Variants in CTNNA3 observed in about 807,000 individuals in gnomAD.
CTNNA3 encodes the protein catenin alpha-3.
CTNNA3 carries 76 observed loss-of-function variants against 95.7 expected under a neutral mutation model. The ratio of observed to expected loss-of-function variants is 0.79; its 90% confidence interval spans 0.66 to 0.96. The LOEUF (loss-of-function observed/expected upper bound fraction) is 0.96, where lower values mean the gene tolerates loss of function less well. Among genes scored for constraint, CTNNA3 ranks in the 40% least tolerant of loss-of-function variants. CTNNA3 has a pLI of 0.00. For missense variants in CTNNA3, 1,191 were observed against 1,089.8 expected (o/e 1.09, Z -1.31); for synonymous variants, 431 against 374.4 (o/e 1.15, Z -1.74).
intron 7 of CTNNA3, among the ~76,000 whole-genome samples, chr10:67,065,997 C>A (rs982435397): frequency 3.3e-5 from 5 of 151,698 alleles, no homozygotes; most frequent in African/African-American, 1.2e-4. Context: ...CATATTTTGA[C>A]AAAATATTAT....
At chr10:66,326,299 T>C (rs1760404401) in intron 12 of CTNNA3, among the ~76,000 whole-genome samples, 1 of 152,124 alleles carries the variant, frequency 6.6e-6, no homozygotes, top group Admixed American at 6.5e-5. Flanking sequence ...CATCACTCTT[T>C]ATGCACCTTC....
At chr10:67,596,848 C>T (rs961823928) in intron 3 of CTNNA3, among the ~76,000 whole-genome samples, 1 of 152,184 alleles carries the variant, frequency 6.6e-6, no homozygotes, top group African/African-American at 2.4e-5. Context: ...TGGACAATAT[C>T]CTCAAATATG....
intron 11 of CTNNA3, among the ~76,000 whole-genome samples, chr10:66,403,780 C>T (rs2093037372): frequency 2.0e-5 from 3 of 152,210 alleles, no homozygotes; most frequent in African/African-American, 7.2e-5. Flanking sequence ...AGAAATCTGA[C>T]ATACTTGACT....
At chr10:66,741,629 C>G (rs1429810477) in intron 9 of CTNNA3, among the ~76,000 whole-genome samples, 2 of 152,186 alleles carry the variant, frequency 1.3e-5, no homozygotes, top group Non-Finnish European at 2.9e-5. Context: ...CTGGGTTCTA[C>G]TGCACATTCA....
intron 10 of CTNNA3, among the ~76,000 whole-genome samples, chr10:66,596,861 A>G (rs1321622854): frequency 6.6e-6 from 1 of 152,180 alleles, no homozygotes; most frequent in African/African-American, 2.4e-5. Context: ...CAATTGTCTA[A>G]CAAAGAATTC....
chr10:65,957,708 A>T (rs1385790409), intron 17 of CTNNA3, among the ~76,000 whole-genome samples: 1 of 152,156 alleles, frequency 6.6e-6, no homozygotes. Flanking sequence ...AAGAATGTTG[A>T]ATATTGGCCC....
intron 7 of CTNNA3, among the ~76,000 whole-genome samples, chr10:67,003,049 A>G (rs1384386894): frequency 6.6e-6 from 1 of 152,140 alleles, no homozygotes; most frequent in Non-Finnish European, 1.5e-5. Flanking sequence ...GGTTATGTTC[A>G]TAGGCCACTA....
chr10:67,716,237 G>A (rs1394945808), intron 1 of CTNNA3, among the ~76,000 whole-genome samples: 5 of 152,028 alleles, frequency 3.3e-5, no homozygotes, highest in Non-Finnish European at 7.4e-5. Flanking sequence ...TCCCTAAAAA[G>A]GGCCTAATAC....
At chr10:66,974,844 A>G (rs1160116078) in intron 7 of CTNNA3, among the ~76,000 whole-genome samples, 7 of 149,648 alleles carry the variant, frequency 4.7e-5, no homozygotes, top group Non-Finnish European at 8.9e-5. Flanking sequence ...ACTTTCATCT[A>G]TATTTAGTTG....
chr10:67,751,004 A>G, intron 1 of CTNNA3: 1 of 1,571,444 alleles, frequency 6.4e-7, no homozygotes, highest in Non-Finnish European at 8.8e-7. Context: ...GCTGCAAGGC[A>G]CAAAAAACCA....
At chr10:67,343,990 G>T (rs1041386210) in intron 5 of CTNNA3, among the ~76,000 whole-genome samples, 1 of 149,284 alleles carries the variant, frequency 6.7e-6, no homozygotes, top group Non-Finnish European at 1.5e-5. Flanking sequence ...CTTTTATTAT[G>T]TTGAAGTATG....
At chr10:66,331,526 G>T (rs1296597483) in intron 12 of CTNNA3, among the ~76,000 whole-genome samples, 1 of 151,182 alleles carries the variant, frequency 6.6e-6, no homozygotes, top group Non-Finnish European at 1.5e-5. Context: ...GCTAATTTTT[G>T]TATTTTTAGT....
chr10:67,625,965 G>A (rs901785722), intron 2 of CTNNA3, among the ~76,000 whole-genome samples: 10 of 152,076 alleles, frequency 6.6e-5, no homozygotes, highest in African/African-American at 2.4e-4. Flanking sequence ...CAGGAGGATC[G>A]CTGGAGCCCA....
At chr10:67,419,424 G>T (rs1334140618) in intron 5 of CTNNA3, among the ~76,000 whole-genome samples, 1 of 151,452 alleles carries the variant, frequency 6.6e-6, no homozygotes, top group Non-Finnish European at 1.5e-5. Context: ...TGGGAATATT[G>T]CATGATGTTG....
intron 9 of CTNNA3, among the ~76,000 whole-genome samples, chr10:66,642,294 A>G (rs1000178942): frequency 7.2e-6 from 1 of 139,604 alleles, no homozygotes; most frequent in African/African-American, 2.5e-5. Context: ...ACACACACAC[A>G]CACACACACA....
intron 12 of CTNNA3, among the ~76,000 whole-genome samples, chr10:66,360,780 TCTTTCTTCCTTC>T (rs1205579632): frequency 8.8e-5 from 5 of 56,968 alleles, no homozygotes; most frequent in Non-Finnish European, 1.9e-4. Context: ...TTTCTTTCTT[TCTTTCTTCCTTC>T]CTTCCTTCCT....
intron 5 of CTNNA3, among the ~76,000 whole-genome samples, chr10:67,245,420 G>A (rs533824948): frequency 6.6e-5 from 10 of 152,182 alleles, no homozygotes; most frequent in Admixed American, 2.0e-4. Context: ...CCAGTGGAAC[G>A]TAAGCTCCAT....
intron 7 of CTNNA3, among the ~76,000 whole-genome samples, chr10:66,871,634 A>C (rs1210984494): frequency 6.6e-6 from 1 of 151,836 alleles, no homozygotes; most frequent in Non-Finnish European, 1.5e-5. Flanking sequence ...TGGACAAAGA[A>C]TTCCCATCAA....
rs1441724674 is a variant in CTNNA3 at position 67,317,166 on chromosome 10, GTTTTGTTTTTTTCT to G, written c.580-97310_580-97297del. 1.0e-4 allele frequency among the ~76,000 whole-genome samples: 7 copies of G among 67,878 alleles called. No individual in the cohort carries two copies. In the East Asian group the frequency reaches 1.4e-3, roughly 14 times the overall value. 44.5% of individuals were successfully genotyped at this position (67,878 alleles called of 152,430 possible). On this transcript the variant is annotated intron_variant, in intron 5 of 17. Coordinates refer to ENST00000433211, the MANE Select transcript of CTNNA3 (RefSeq NM_013266.4). ...AGCACATATCATCGGGTTTTGTTTT[GTTTTGTTTTTTTCT>G]TTTTGTTTTTTTCTTTTTTTGCTTC...
Sources: allele counts gnomAD v4.1 joint callset (sites outside exome capture counted in the v4.1 genomes callset), GRCh38; gene constraint gnomAD v4.1.1; transcripts MANE v1.5; gene names NCBI Gene and HGNC (gene_info 2026-07-23, HGNC 2026-07-21).